FER1L6: variants seen among roughly 807,000 people sequenced by gnomAD.
FER1L6 encodes the protein fer-1 like family member 6, also known as fer-1-like protein 6.
FER1L6 carries 177 observed loss-of-function variants against 219.2 expected under a neutral mutation model. The observed-to-expected ratio is 0.81, with a 90% CI of 0.71 to 0.91. The LOEUF is 0.91. Ranked by LOEUF, FER1L6 falls within the 40% of genes least tolerant of loss-of-function variation. FER1L6 has a pLI of 0.00. For missense variants in FER1L6, 2,153 were observed against 2,259.9 expected (o/e 0.95, Z 0.96); for synonymous variants, 768 against 824.3 (o/e 0.93, Z 1.17).
At chr8:124,048,476 C>G (rs1819834931) in intron 21 of FER1L6, among the ~76,000 whole-genome samples, 1 of 152,158 alleles carries the variant, frequency 6.6e-6, no homozygotes. Context: ...AATGTGCACA[C>G]AGTCTTGCAA....
chr8:124,104,642 A>C (rs773414474), intron 39 of FER1L6, among the ~76,000 whole-genome samples: 2 of 152,198 alleles, frequency 1.3e-5, no homozygotes, highest in Non-Finnish European at 2.9e-5. Flanking sequence ...GAGGTTGACA[A>C]ATGGGGACTG....
intron 1 of FER1L6, among the ~76,000 whole-genome samples, chr8:123,929,905 G>A (rs532002258): frequency 1.3e-5 from 2 of 151,716 alleles, no homozygotes; most frequent in South Asian, 4.2e-4. Flanking sequence ...GTATGTACAT[G>A]ACTGAGTCGT....
chr8:123,976,130 G>C, intron 9 of FER1L6, 46 bp downstream of exon 9: 1 of 1,376,014 alleles, frequency 7.3e-7, no homozygotes, highest in Non-Finnish European at 1.0e-6. Flanking sequence ...CCAGGGCCCT[G>C]CTCTCTATCC....
At chr8:123,891,109 G>T (rs1341887052) in intron 1 of FER1L6, among the ~76,000 whole-genome samples, 2 of 152,164 alleles carry the variant, frequency 1.3e-5, no homozygotes, top group Non-Finnish European at 1.5e-5. Context: ...AATAAAAAAA[G>T]TGAGACTTTC....
intron 28 of FER1L6, among the ~76,000 whole-genome samples, chr8:124,068,053 A>G (rs1294192713): frequency 1.3e-5 from 2 of 152,194 alleles, no homozygotes; most frequent in African/African-American, 2.4e-5. Context: ...TCAAGTTCCT[A>G]TGTTGACAGT....
At chr8:123,975,092 G>C in intron 7 of FER1L6, 58 bp from the exon 8 acceptor site, 1 of 1,446,290 alleles carries the variant, frequency 6.9e-7, no homozygotes, top group Non-Finnish European at 9.2e-7. Context: ...GGGAGAGAAA[G>C]GGGTGGGGCT....
At chr8:124,068,860 TAC>T (rs1186045834) in intron 28 of FER1L6, among the ~76,000 whole-genome samples, 1 of 152,108 alleles carries the variant, frequency 6.6e-6, no homozygotes, top group African/African-American at 2.4e-5. Context: ...TCAGGCAGTG[TAC>T]AGACTGTATG....
intron 3 of FER1L6, among the ~76,000 whole-genome samples, chr8:123,965,454 T>C (rs930406194): frequency 6.6e-6 from 1 of 152,218 alleles, no homozygotes; most frequent in Non-Finnish European, 1.5e-5. Context: ...TTTCAATTAC[T>C]TGTGATAGTC....
At chr8:124,059,100 G>A (rs569710081) in intron 22 of FER1L6, 1 of 152,336 alleles carries the variant, frequency 6.6e-6, no homozygotes, top group East Asian at 1.9e-4. Flanking sequence ...AGAACTCACT[G>A]TACATGGAGG....
At position 124,119,869 on chromosome 8, in the gene FER1L6, T is replaced by C. The variant is rs1823415524; in HGVS notation, c.*79T>C. The C allele has an allele frequency of 9.1e-6, 13 of 1,435,820 alleles. No individual in the cohort carries two copies. Among genetic ancestry groups the C allele is most frequent in the African/African-American group, 5.6e-5 (4 of 71,262 alleles). 88.9% of individuals were successfully genotyped at this position (1,435,820 alleles called of 1,614,324 possible). A position where few individuals can be genotyped will look rare whatever the true frequency, so the allele number is the denominator to read the frequency against. On this transcript the variant is annotated 3_prime_UTR_variant, in exon 41 of 41. Coordinates refer to ENST00000522917, the MANE Select transcript of FER1L6 (RefSeq NM_001039112.2). ...TGGGAGCATCTAAGAACATGTCCCA[T>C]GCATGGCACTGTGCTGAGTGCTAAG...
chr8:123,953,884 T>C (rs1814894587), intron 1 of FER1L6, among the ~76,000 whole-genome samples: 1 of 152,134 alleles, frequency 6.6e-6, no homozygotes, highest in African/African-American at 2.4e-5. Flanking sequence ...GGAACGACCC[T>C]TTGAAAACAG....
At chr8:124,117,461 C>T (rs1823295416) in intron 39 of FER1L6, among the ~76,000 whole-genome samples, 2 of 152,328 alleles carry the variant, frequency 1.3e-5, no homozygotes, top group South Asian at 4.1e-4. Flanking sequence ...ATGTGCAAGT[C>T]ATTGCCTATG....
At chr8:124,055,614 A>G (rs1163568623) in intron 22 of FER1L6, among the ~76,000 whole-genome samples, 1 of 151,874 alleles carries the variant, frequency 6.6e-6, no homozygotes, top group Non-Finnish European at 1.5e-5. Context: ...TCTCTCTCCT[A>G]TTACAGTTTT....
intron 26 of FER1L6, among the ~76,000 whole-genome samples, chr8:124,064,891 T>G (rs1820758012): frequency 6.6e-6 from 1 of 152,196 alleles, no homozygotes; most frequent in Non-Finnish European, 1.5e-5. Context: ...AATATTTAGG[T>G]CCTACTTTGT....
intron 4 of FER1L6, 49 bp downstream of exon 4, chr8:123,966,110 G>A: frequency 6.2e-7 from 1 of 1,613,736 alleles, no homozygotes; most frequent in Non-Finnish European, 8.5e-7. Context: ...CTTCCTGTGT[G>A]CATGGATGGC....
At chr8:124,024,027 G>A (rs968860954) in intron 18 of FER1L6, among the ~76,000 whole-genome samples, 36 of 151,776 alleles carry the variant, frequency 2.4e-4, no homozygotes, top group African/African-American at 8.5e-4. Context: ...CTCCCAAGTA[G>A]CTGGGATTAC....
intron 1 of FER1L6, among the ~76,000 whole-genome samples, chr8:123,897,368 A>G (rs1812764869): frequency 6.6e-6 from 1 of 151,532 alleles, no homozygotes. Context: ...TCCCCTCACA[A>G]GAGTCTGTTT....
chr8:123,967,599 C>T (rs919047097), intron 5 of FER1L6, among the ~76,000 whole-genome samples: 3 of 152,178 alleles, frequency 2.0e-5, no homozygotes, highest in African/African-American at 7.2e-5. Context: ...TGCACAGGAG[C>T]ATTTGCTTAC....
chr8:123,994,452 G>T (rs1014803583), intron 12 of FER1L6, among the ~76,000 whole-genome samples: 2 of 152,144 alleles, frequency 1.3e-5, no homozygotes, highest in African/African-American at 4.8e-5. Flanking sequence ...GGAGTGGGGG[G>T]TAGCATGCAG....
Sources: allele counts gnomAD v4.1 joint callset (sites outside exome capture counted in the v4.1 genomes callset), GRCh38; gene constraint gnomAD v4.1.1; transcripts MANE v1.5; gene names NCBI Gene and HGNC (gene_info 2026-07-23, HGNC 2026-07-21).